The following EEF2K variants were observed in gnomAD, a reference collection of about 807,000 sequenced individuals.
EEF2K encodes eukaryotic elongation factor 2 kinase.
In EEF2K, 70 loss-of-function variants were observed where a neutral mutation model predicts 93.8. The ratio of observed to expected loss-of-function variants is 0.75; its 90% CI spans 0.62 to 0.91. The LOEUF (loss-of-function observed/expected upper bound fraction) is 0.91. EEF2K is among the 40% of genes least tolerant of loss of function. The pLI is 0.00. For synonymous variants in EEF2K, 376 were observed against 380.8 expected (o/e 0.99, Z 0.15); for missense variants, 935 against 972.9 (o/e 0.96, Z 0.52).
intron 6 of EEF2K, among the ~76,000 whole-genome samples, chr16:22,256,362 G>T (rs972093323): frequency 6.6e-6 from 1 of 151,734 alleles, no homozygotes. Context: ...CCTCCCAAAG[G>T]GCTGGGATTA....
intron 13 of EEF2K, 106 bp downstream of exon 13, chr16:22,264,986 C>T (rs1418330525): frequency 1.5e-6 from 2 of 1,354,896 alleles, no homozygotes; most frequent in South Asian, 1.2e-5. Context: ...ATCTGTCTTG[C>T]ACATGTGCTA....
chr16:22,216,589 C>A (rs1054363265), intron 1 of EEF2K, among the ~76,000 whole-genome samples: 2 of 152,140 alleles, frequency 1.3e-5, no homozygotes, highest in African/African-American at 4.8e-5. Flanking sequence ...GTGTCCTTGG[C>A]ATGGTATGTA....
chr16:22,211,625 G>C (rs779823194), intron 1 of EEF2K, among the ~76,000 whole-genome samples: 1 of 151,898 alleles, frequency 6.6e-6, no homozygotes, highest in Non-Finnish European at 1.5e-5. Context: ...ACCACACCTG[G>C]CTAATTTTTG....
rs2047059755 is a variant in EEF2K at position 22,225,959 on chromosome 16, A to G, written c.230A>G (p.Asn77Ser). 1 of 1,613,678 alleles carries G rather than the reference A, an allele frequency of 6.2e-7. No homozygotes were observed. Among genetic ancestry groups the G allele is most frequent in the Admixed American group, 1.7e-5 (1 of 59,972 alleles). ...ERYSSSGSPANSFHFKEAWKH... is the reference protein window; with the variant it reads ...ERYSSSGSPASSFHFKEAWKH... The stretch of plus-strand genomic sequence containing the variant: ...TATAGCTCCAGCGGGTCCCCGGCAA[A>G]CTCCTTCCACTTCAAGGTGAGTGAG... Residue 77 changes from asparagine (N) to serine (S), a missense_variant, in exon 2 of 18, where the codon AAC (asparagine) becomes AGC (serine). Physicochemically the swap from Asn to Ser is conservative, Grantham distance 46 (BLOSUM62 1). Coordinates refer to ENST00000263026, the MANE Select transcript of EEF2K (RefSeq NM_013302.5).
At chr16:22,264,085 GA>G (rs2047492899) in intron 12 of EEF2K, among the ~76,000 whole-genome samples, 1 of 152,004 alleles carries the variant, frequency 6.6e-6, no homozygotes, top group Non-Finnish European at 1.5e-5. Flanking sequence ...CTTGAGGCCA[GA>G]AGTTCAAGAC....
At chr16:22,249,124 C>T (rs2047324125) in intron 4 of EEF2K, among the ~76,000 whole-genome samples, 1 of 151,716 alleles carries the variant, frequency 6.6e-6, no homozygotes, top group African/African-American at 2.4e-5. Context: ...TACACACCAC[C>T]ACTCCTGGCT....
chr16:22,267,438 T>TA (rs1167576340), intron 15 of EEF2K, among the ~76,000 whole-genome samples: 4 of 151,566 alleles, frequency 2.6e-5, no homozygotes, highest in Non-Finnish European at 5.9e-5. Flanking sequence ...ACCAGAAAAA[T>TA]ACAAAAGTTA....
chr16:22,254,583 C>CT (rs1442922435), intron 6 of EEF2K, among the ~76,000 whole-genome samples: 3 of 152,186 alleles, frequency 2.0e-5, no homozygotes, highest in African/African-American at 7.2e-5. Context: ...AGTCCCTAAT[C>CT]TCCCCTACTC....
chr16:22,209,937 C>T (rs955056851), intron 1 of EEF2K, among the ~76,000 whole-genome samples: 1 of 152,174 alleles, frequency 6.6e-6, no homozygotes, highest in African/African-American at 2.4e-5. Context: ...GGACTACAGA[C>T]ATGAGCTACC....
At position 22,273,535 on chromosome 16, in the gene EEF2K, A is replaced by G. The variant is rs1015243872; in HGVS notation, c.1765-91A>G. The G allele has an allele frequency of 1.4e-5, 21 of 1,543,064 alleles. No homozygotes were observed. In the African/African-American group the frequency reaches 1.9e-4, roughly 14 times the overall value. ...CCTCCCAACCCGGAGCTCTCAAAAA[A>G]CAGGGTGAAGATTGAGTAGTGAGAT... On this transcript the variant is annotated intron_variant, in intron 15 of 17. Transcript: ENST00000263026.
intron 16 of EEF2K, among the ~76,000 whole-genome samples, chr16:22,277,151 A>G (rs1278443826): frequency 2.6e-5 from 4 of 152,116 alleles, no homozygotes; most frequent in African/African-American, 9.7e-5. Flanking sequence ...TTATTTATTT[A>G]TTTGAGACAC....
rs17718850 is a variant in EEF2K, at chr16:22,276,565, A to G, written c.1889+2815A>G. 8.6e-3 allele frequency among the ~76,000 whole-genome samples: 1,315 copies of G among 152,270 alleles called. 10 individuals are homozygous for G. The highest frequency in any genetic ancestry group is 0.041 in the Middle Eastern group (12 of 294). ...TTCAGGCCCCAGAAGTTACTATCCAATAGGCGAAGGAGAAGGTGCTAGAAA... is the reference window on the plus strand; with the variant it reads ...TTCAGGCCCCAGAAGTTACTATCCAGTAGGCGAAGGAGAAGGTGCTAGAAA... On this transcript the variant is annotated intron_variant, in intron 16 of 17. Transcript: ENST00000263026.
intron 15 of EEF2K, among the ~76,000 whole-genome samples, chr16:22,271,774 A>G (rs930849511): frequency 3.3e-5 from 5 of 152,210 alleles, no homozygotes; most frequent in African/African-American, 4.8e-5. Context: ...TAAATTTCAT[A>G]TCATCAACTC....
At chr16:22,260,419 C>A in intron 10 of EEF2K, 43 bp from the exon 11 acceptor site, 1 of 1,612,514 alleles carries the variant, frequency 6.2e-7, no homozygotes, top group Non-Finnish European at 8.5e-7. Context: ...ATGCATGTTC[C>A]AGTAGTGGAA....
At chr16:22,274,181 G>A (rs1420177367) in intron 16 of EEF2K, among the ~76,000 whole-genome samples, 1 of 152,056 alleles carries the variant, frequency 6.6e-6, no homozygotes, top group African/African-American at 2.4e-5. Flanking sequence ...GGTGGCTCAC[G>A]CATGTAATCT....
intron 1 of EEF2K, among the ~76,000 whole-genome samples, chr16:22,206,915 A>G (rs2046868618): frequency 6.6e-6 from 1 of 152,172 alleles, no homozygotes; most frequent in Non-Finnish European, 1.5e-5. Context: ...CGATGTGGAT[A>G]TGGAAAGCAA....
rs954807035 is a variant in EEF2K at position 22,206,534 on chromosome 16, C to G, written c.-222C>G. 5 of 152,506 alleles carry G rather than the reference C, an allele frequency of 3.3e-5. No individual in the cohort carries two copies. Among genetic ancestry groups the G allele is most frequent in the African/African-American group, 1.2e-4 (5 of 41,406 alleles). 9.4% of individuals were successfully genotyped at this position (152,506 alleles called of 1,614,324 possible). On this transcript the variant is annotated 5_prime_UTR_variant, in exon 1 of 18. Transcript: ENST00000263026. ...CCCAGCTGCTTGCCCGGAGCGCCAG[C>G]TAGCGCTCCCCGCTCTCCGCTCCCC...
intron 2 of EEF2K, among the ~76,000 whole-genome samples, chr16:22,239,847 G>A (rs549952998): frequency 1.3e-5 from 2 of 152,248 alleles, no homozygotes; most frequent in East Asian, 3.9e-4. Context: ...GCTCATGCCT[G>A]TAATCCCAGC....
intron 1 of EEF2K, among the ~76,000 whole-genome samples, chr16:22,215,859 A>G (rs1318101199): frequency 6.6e-6 from 1 of 152,190 alleles, no homozygotes; most frequent in Non-Finnish European, 1.5e-5. Context: ...CGGGAGGCGG[A>G]GGTTGCAGTA....
Sources: allele counts gnomAD v4.1 joint callset (sites outside exome capture counted in the v4.1 genomes callset), GRCh38; gene constraint gnomAD v4.1.1; transcripts MANE v1.5; gene names NCBI Gene and HGNC (gene_info 2026-07-23, HGNC 2026-07-21).